Variants in WWOX observed in about 807,000 individuals in gnomAD.
WWOX encodes WW domain-containing oxidoreductase.
WWOX carries 69 observed loss-of-function variants against 46.2 expected under a neutral mutation model. That is an observed-to-expected ratio of 1.49 (90% CI 1.23 to 1.82). The LOEUF (loss-of-function observed/expected upper bound fraction) is 1.82, where lower values mean the gene tolerates loss of function less well. WWOX is among the 40% of genes most tolerant of loss of function. The probability of loss-of-function intolerance (pLI) is 0.00; values close to 1 mark genes in which losing one functional copy is unlikely to be tolerated. For missense variants in WWOX, 919 were observed against 542.6 expected, an observed-to-expected ratio of 1.69 and a Z score of -6.89; for synonymous variants, 359 against 202.6, an observed-to-expected ratio of 1.77 and a Z score of -6.56.
At chr16:79,030,696 C>T (rs1256897937) in intron 8 of WWOX, among the ~76,000 whole-genome samples, 1 of 152,172 alleles carries the variant, frequency 6.6e-6, no homozygotes, top group African/African-American at 2.4e-5. Context: ...CTCACCGCTG[C>T]TTGTACCAGT....
At chr16:78,998,036 C>G (rs768884626) in intron 8 of WWOX, among the ~76,000 whole-genome samples, 41 of 152,128 alleles carry the variant, frequency 2.7e-4, no homozygotes, top group Non-Finnish European at 4.3e-4. Context: ...GCCACCATAC[C>G]TAGCTAATTT....
chr16:78,922,252 C>G (rs1053453062), intron 8 of WWOX, among the ~76,000 whole-genome samples: 1 of 152,062 alleles, frequency 6.6e-6, no homozygotes. Context: ...TCATCTGCAA[C>G]CTAAGGTTAC....
chr16:78,738,366 A>G (rs1021428472), intron 8 of WWOX, among the ~76,000 whole-genome samples: 22 of 152,158 alleles, frequency 1.4e-4, no homozygotes, highest in African/African-American at 5.3e-4. Flanking sequence ...ATCAATATTT[A>G]TGTGTAATGT....
chr16:78,381,452 G>A (rs1752540020), intron 5 of WWOX, among the ~76,000 whole-genome samples: 1 of 152,198 alleles, frequency 6.6e-6, no homozygotes, highest in Non-Finnish European at 1.5e-5. Context: ...TGACCTTCTG[G>A]CTGAGCCCTG....
At chr16:78,905,469 C>G (rs1027633386) in intron 8 of WWOX, among the ~76,000 whole-genome samples, 2 of 152,196 alleles carry the variant, frequency 1.3e-5, no homozygotes, top group Non-Finnish European at 2.9e-5. Context: ...GCAGACTCAA[C>G]CTCCTGGGTG....
chr16:79,151,786 T>C (rs148701238), intron 8 of WWOX, among the ~76,000 whole-genome samples: 97 of 152,340 alleles, frequency 6.4e-4, no homozygotes, highest in African/African-American at 2.2e-3. Context: ...ATCCTGGAGT[T>C]GCTGTAATGG....
chr16:78,919,540 A>C (rs1214173059), intron 8 of WWOX, among the ~76,000 whole-genome samples: 2 of 79,128 alleles, frequency 2.5e-5, no homozygotes, highest in Non-Finnish European at 5.0e-5. Context: ...TTTTTTTTTG[A>C]GGGAGTCTTG....
At position 78,769,021 on chromosome 16, in the gene WWOX, A is replaced by G. The variant is rs568817897; in HGVS notation, c.1056+336269A>G. 2.3e-3 allele frequency among the ~76,000 whole-genome samples: 352 copies of G among 152,232 alleles called. 3 individuals carry two copies. The highest frequency in any genetic ancestry group is 4.1e-3 in the Non-Finnish European group (281 of 68,018). On this transcript the variant is annotated intron_variant, in intron 8 of 8. Coordinates refer to ENST00000566780, the MANE Select transcript of WWOX (RefSeq NM_016373.4). Reference sequence around the variant, plus strand: ...GCTTTCCTTTTTCAGTCTCTGGTCAATTTGTTGTTATTTTTCTTCAAGAGA... The same window carrying G: ...GCTTTCCTTTTTCAGTCTCTGGTCAGTTTGTTGTTATTTTTCTTCAAGAGA...
chr16:78,897,482 C>G (rs1299634038), intron 8 of WWOX: 3 of 152,008 alleles, frequency 2.0e-5, no homozygotes, highest in East Asian at 1.9e-4. Flanking sequence ...TGTGATTCAT[C>G]CATGTTGATG....
intron 8 of WWOX, among the ~76,000 whole-genome samples, chr16:78,813,850 C>CG (rs2142718025): frequency 6.6e-6 from 1 of 152,186 alleles, no homozygotes; most frequent in East Asian, 1.9e-4. Context: ...TAATTTCAGG[C>CG]GGTCAGCACA....
At chr16:78,939,442 G>A (rs570661764) in intron 8 of WWOX, among the ~76,000 whole-genome samples, 2 of 152,146 alleles carry the variant, frequency 1.3e-5, no homozygotes, top group African/African-American at 4.8e-5. Flanking sequence ...GCTCACCAGT[G>A]GCAAATATGT....
chr16:79,030,455 C>T (rs1180580650), intron 8 of WWOX, among the ~76,000 whole-genome samples: 2 of 152,144 alleles, frequency 1.3e-5, no homozygotes, highest in Non-Finnish European at 2.9e-5. Context: ...TTGATCTGCA[C>T]GGGCAATCCC....
intron 8 of WWOX, among the ~76,000 whole-genome samples, chr16:78,997,310 A>G (rs528027013): frequency 3.3e-5 from 5 of 152,300 alleles, no homozygotes; most frequent in Admixed American, 1.3e-4. Flanking sequence ...CCATACCTAT[A>G]TCAGCTTTGG....
intron 8 of WWOX, among the ~76,000 whole-genome samples, chr16:78,684,106 C>G (rs993318295): frequency 6.6e-6 from 1 of 152,310 alleles, no homozygotes; most frequent in Non-Finnish European, 1.5e-5. Context: ...CAGTTCAACT[C>G]AACCTCATGG....
Position 78,695,977 on chromosome 16 carries a change from C to G in WWOX, c.1056+263225C>G, listed in dbSNP as rs1037754145. Reference sequence around the variant, plus strand: ...AGAGATGCAGATCTTGGGCCCCGCCCCAGACCTCCTGAATGTGAATCTCTG... The same window carrying G: ...AGAGATGCAGATCTTGGGCCCCGCCGCAGACCTCCTGAATGTGAATCTCTG... On this transcript the variant is annotated intron_variant, in intron 8 of 8. Transcript: ENST00000566780. 3.9e-5 allele frequency among the ~76,000 whole-genome samples: 6 copies of G among 152,104 alleles called. No individual in the cohort carries two copies. The East Asian group carries it at 9.7e-4, about 24-fold the overall frequency.
intron 8 of WWOX, among the ~76,000 whole-genome samples, chr16:78,504,025 T>C (rs974813787): frequency 6.6e-6 from 1 of 152,178 alleles, no homozygotes; most frequent in African/African-American, 2.4e-5. Context: ...TTCAAATACA[T>C]CTTAAAGATG....
At chr16:79,138,535 G>T (rs2050027341) in intron 8 of WWOX, among the ~76,000 whole-genome samples, 2 of 152,148 alleles carry the variant, frequency 1.3e-5, no homozygotes. Context: ...AGAGAACATG[G>T]GCCCTGGCAT....
chr16:78,966,989 A>G (rs1180260750), intron 8 of WWOX, among the ~76,000 whole-genome samples: 4 of 152,152 alleles, frequency 2.6e-5, no homozygotes, highest in African/African-American at 7.2e-5. Flanking sequence ...AACATTTATT[A>G]TTGTCTCCAC....
At chr16:78,176,082 A>G (rs1321442053) in intron 5 of WWOX, among the ~76,000 whole-genome samples, 3 of 151,968 alleles carry the variant, frequency 2.0e-5, no homozygotes, top group African/African-American at 7.3e-5. Context: ...CACACCTCTT[A>G]ATTAGTAAGT....
Sources: allele counts gnomAD v4.1 joint callset (sites outside exome capture counted in the v4.1 genomes callset), GRCh38; gene constraint gnomAD v4.1.1; transcripts MANE v1.5; gene names NCBI Gene and HGNC (gene_info 2026-07-23, HGNC 2026-07-21).